UBP1: variants seen among roughly 807,000 people sequenced by gnomAD.
UBP1 encodes upstream binding protein 1, also known as upstream-binding protein 1.
In UBP1, 22 loss-of-function variants were observed where a neutral mutation model predicts 76.1. The ratio of observed to expected loss-of-function variants is 0.29; its 90% CI spans 0.21 to 0.41. The LOEUF (loss-of-function observed/expected upper bound fraction) is 0.41, where lower values mean the gene tolerates loss of function less well. UBP1 is among the 10% of genes least tolerant of loss of function. UBP1 has a pLI of 1.00. For synonymous variants in UBP1, 224 were observed against 237.1 expected (o/e 0.94, Z 0.51); for missense variants, 436 against 668.1 (o/e 0.65, Z 3.83).
rs1396626189 is a variant in UBP1, at chr3:33,440,043, A to C, written c.-195T>G. ...CACGACGAGCCCAGCGAGCAATTGC[A>C]GCGGGAGCGGCCGGGCCGCCGGCAG... On this transcript the variant is annotated 5_prime_UTR_variant, in exon 1 of 16. Transcript: ENST00000283629. The C allele has an allele frequency of 2.0e-6, 1 of 509,860 alleles. No individual in the cohort carries two copies. The highest frequency in any genetic ancestry group is 2.0e-5 in the African/African-American group (1 of 49,010). The allele number at this position is 509,860 out of a possible 1,614,324, so 31.6% of individuals were successfully genotyped here.
intron 9 of UBP1, among the ~76,000 whole-genome samples, chr3:33,402,105 C>T (rs919570579): frequency 1.3e-4 from 20 of 152,128 alleles, no homozygotes; most frequent in African/African-American, 4.8e-4. Flanking sequence ...ATTTTCCTCC[C>T]CAACAAGAAA....
chr3:33,439,250 T>C (rs2045248819), intron 1 of UBP1, among the ~76,000 whole-genome samples: 1 of 152,210 alleles, frequency 6.6e-6, no homozygotes, highest in Non-Finnish European at 1.5e-5. Context: ...CCGCTGCTCT[T>C]TCAATTATAA....
chr3:33,416,130 T>G (rs893306991), intron 3 of UBP1: 3 of 152,224 alleles, frequency 2.0e-5, no homozygotes, highest in African/African-American at 7.2e-5. Flanking sequence ...TCAAGAGAAC[T>G]TGTCTCTTGC....
In UBP1 at chr3:33,388,780, A is replaced by G. The variant is rs2043634098; in HGVS notation, c.*1551T>C. ...ATATTTTCAAATCGATGATGAAAATAGATCGTGCTTCTTTGTAGCAAATAA... is the reference window on the plus strand; with the variant it reads ...ATATTTTCAAATCGATGATGAAAATGGATCGTGCTTCTTTGTAGCAAATAA... On this transcript the variant is annotated 3_prime_UTR_variant, in exon 16 of 16. Transcript: ENST00000283629. 1 of 152,236 alleles carries G rather than the reference A, an allele frequency of 6.6e-6. No individual in the cohort carries two copies. 9.4% of individuals were successfully genotyped at this position (152,236 alleles called of 1,614,324 possible). A position where few individuals can be genotyped will look rare whatever the true frequency, so the allele number is the denominator to read the frequency against.
chr3:33,422,523 C>T (rs987428396), intron 2 of UBP1, among the ~76,000 whole-genome samples: 3 of 151,950 alleles, frequency 2.0e-5, no homozygotes, highest in Admixed American at 6.6e-5. Context: ...CGGAGATTAG[C>T]GTGGGCAATG....
chr3:33,396,336 T>A, intron 12 of UBP1, 56 bp from the exon 13 acceptor site: 1 of 1,304,950 alleles, frequency 7.7e-7, no homozygotes, highest in Non-Finnish European at 1.1e-6. Context: ...CTTACACATG[T>A]ACAAATATGA....
Position 33,418,198 on chromosome 3 carries a change from T to C in UBP1, c.266-1364A>G, listed in dbSNP as rs191156614. Among the ~76,000 whole-genome samples, 62 of 152,288 alleles carry C rather than the reference T, an allele frequency of 4.1e-4. No homozygotes were observed. The East Asian group carries it at 6.8e-3, about 17-fold the overall frequency. ...CTCAACCTCACAAGAATTTAGGAAA[T>C]AAAAATCAACAAAAGGTTTATGCTG... is the stretch of plus-strand genomic sequence containing the variant. On this transcript the variant is annotated intron_variant, in intron 2 of 15. Transcript: ENST00000283629.
At chr3:33,415,869 T>C (rs1003551363) in intron 3 of UBP1, 8 of 152,220 alleles carry the variant, frequency 5.3e-5, no homozygotes, top group Non-Finnish European at 1.2e-4. Context: ...ACCCATCATT[T>C]GATCCCTAAG....
At chr3:33,392,402 A>G in intron 15 of UBP1, 161 bp downstream of exon 15, 1 of 620,178 alleles carries the variant, frequency 1.6e-6, no homozygotes, top group Non-Finnish European at 2.6e-6. Context: ...CTTATATGCT[A>G]ATTTCTGTTA....
chr3:33,400,555 T>C (rs1437992507), intron 10 of UBP1, among the ~76,000 whole-genome samples: 2 of 152,198 alleles, frequency 1.3e-5, no homozygotes, highest in Non-Finnish European at 2.9e-5. Flanking sequence ...TTCATTGTCT[T>C]AAGTGAAATA....
intron 1 of UBP1, among the ~76,000 whole-genome samples, chr3:33,428,880 T>G (rs532540537): frequency 6.7e-6 from 1 of 148,794 alleles, no homozygotes; most frequent in Non-Finnish European, 1.5e-5. Context: ...TTCCCCCTGC[T>G]CCAACTACCC....
intron 2 of UBP1, among the ~76,000 whole-genome samples, chr3:33,417,423 A>T (rs2044758437): frequency 6.6e-6 from 1 of 152,172 alleles, no homozygotes; most frequent in Admixed American, 6.5e-5. Flanking sequence ...TAAACTTAGC[A>T]TAATGTTTTC....
intron 15 of UBP1, 190 bp downstream of exon 15, chr3:33,392,373 G>A (rs2043803690): frequency 1.9e-6 from 1 of 521,822 alleles, no homozygotes; most frequent in Non-Finnish European, 3.2e-6. Context: ...CAGTCATCTA[G>A]AAAGACTGAC....
chr3:33,437,019 T>C (rs985872309), intron 1 of UBP1, among the ~76,000 whole-genome samples: 8 of 152,114 alleles, frequency 5.3e-5, no homozygotes, highest in Non-Finnish European at 1.2e-4. Flanking sequence ...TCATTTCAAA[T>C]AGAATCTGCT....
intron 3 of UBP1, 79 bp from the exon 4 acceptor site, chr3:33,412,906 TAA>T: frequency 1.1e-6 from 1 of 926,800 alleles, no homozygotes; most frequent in Non-Finnish European, 1.8e-6. Context: ...TCTTATGTGT[TAA>T]CCTGTAGCAG....
chr3:33,408,140 G>A (rs2044477042), intron 8 of UBP1, among the ~76,000 whole-genome samples: 2 of 151,714 alleles, frequency 1.3e-5, no homozygotes, highest in African/African-American at 4.8e-5. Context: ...TACCAGTGCT[G>A]CCAAACAGGC....
At position 33,439,863 on chromosome 3, in the gene UBP1, G is replaced by A. The variant is rs773593893; in HGVS notation, c.-15C>T. ...ACCCAGGCCATCTTCCGGCCTCGCC[G>A]TCGCCCCGCACACCGCGGCCTCCGC... On this transcript the variant is annotated 5_prime_UTR_variant, in exon 1 of 16. In the 5' UTR this introduces an upstream ATG that the reference lacks. Transcript: ENST00000283629. 1.2e-6 allele frequency: 2 copies of A among 1,610,422 alleles called. No homozygotes were observed. Among genetic ancestry groups the A allele is most frequent in the Non-Finnish European group, 1.7e-6 (2 of 1,178,944 alleles).
chr3:33,421,233 G>T (rs981469693), intron 2 of UBP1, among the ~76,000 whole-genome samples: 1 of 146,102 alleles, frequency 6.8e-6, no homozygotes, highest in Non-Finnish European at 1.5e-5. Flanking sequence ...TAAAGTCAGG[G>T]ACTTAACTCC....
intron 1 of UBP1, among the ~76,000 whole-genome samples, chr3:33,428,530 A>C (rs1054631858): frequency 6.6e-6 from 1 of 152,152 alleles, no homozygotes; most frequent in African/African-American, 2.4e-5. Flanking sequence ...CCTAGAAGAC[A>C]ACCACTTTTT....
Sources: allele counts gnomAD v4.1 joint callset (sites outside exome capture counted in the v4.1 genomes callset), GRCh38; gene constraint gnomAD v4.1.1; transcripts MANE v1.5; gene names NCBI Gene and HGNC (gene_info 2026-07-23, HGNC 2026-07-21).